The following PYGM variants were observed in gnomAD, a reference collection of about 807,000 sequenced individuals.
PYGM encodes glycogen phosphorylase, muscle associated.
Under a neutral mutation model 99.3 loss-of-function variants are expected in PYGM, and 81 were observed. The observed-to-expected ratio is 0.82, with a 90% CI of 0.68 to 0.98. The LOEUF is 0.98. Among genes scored for constraint, PYGM ranks in the 50% least tolerant of loss-of-function variants. The probability of loss-of-function intolerance (pLI) is 0.00; values close to 1 mark genes in which losing one functional copy is unlikely to be tolerated. For synonymous variants in PYGM, 436 were observed against 451.5 expected (o/e 0.97, Z 0.44); for missense variants, 1,030 against 1,158.1 (o/e 0.89, Z 1.61).
At position 64,754,487 on chromosome 11, in the gene PYGM, G is replaced by T. The variant is rs2058381103; in HGVS notation, c.1000-142C>A. On this transcript the variant is annotated intron_variant, in intron 8 of 19. Coordinates refer to ENST00000164139, the MANE Select transcript of PYGM (RefSeq NM_005609.4). The surrounding 1 kb of genome is among the most constrained non-coding windows in gnomAD (Gnocchi z 5.5). Reference sequence around the variant, plus strand: ...GGCAGAGGCAGGCCGGTGCTCATGGGGGTGGGAGGAATGGGGGGAGTGGGG... The same window carrying T: ...GGCAGAGGCAGGCCGGTGCTCATGGTGGTGGGAGGAATGGGGGGAGTGGGG... 4 of 972,586 alleles carry T rather than the reference G, an allele frequency of 4.1e-6. No individual in the cohort carries two copies. The highest frequency in any genetic ancestry group is 6.2e-6 in the Non-Finnish European group (4 of 644,686). The allele number at this position is 972,586 out of a possible 1,614,324, so 60.2% of individuals were successfully genotyped here.
At position 64,746,522 on chromosome 11, in the gene PYGM, T is replaced by C. The variant is rs773082760; in HGVS notation, c.*137A>G. ...TTAGTCACGCTGGACACTGGGACATTGAGAGTGGGGAAAATGAGGGTTCCA... is the reference window on the plus strand; with the variant it reads ...TTAGTCACGCTGGACACTGGGACATCGAGAGTGGGGAAAATGAGGGTTCCA... On this transcript the variant is annotated 3_prime_UTR_variant, in exon 20 of 20. Coordinates refer to ENST00000164139, the MANE Select transcript of PYGM (RefSeq NM_005609.4). The C allele has an allele frequency of 7.2e-6, 9 of 1,249,952 alleles. No individual in the cohort carries two copies. Among genetic ancestry groups the C allele is most frequent in the Non-Finnish European group, 9.1e-6 (8 of 876,584 alleles). The allele number at this position is 1,249,952 out of a possible 1,614,324, so 77.4% of individuals were successfully genotyped here. A position where few individuals can be genotyped will look rare whatever the true frequency, so the allele number is the denominator to read the frequency against.
intron 11 of PYGM, 148 bp downstream of exon 11, chr11:64,753,371 T>C: frequency 8.7e-6 from 11 of 1,268,662 alleles, no homozygotes; most frequent in Non-Finnish European, 1.2e-5. Context: ...TGGAAGGGGC[T>C]GCTGTGCTTG....
At chr11:64,758,029 A>G in intron 4 of PYGM, 119 bp from the exon 5 acceptor site, 2 of 1,489,298 alleles carry the variant, frequency 1.3e-6, no homozygotes, top group Non-Finnish European at 1.8e-6. Flanking sequence ...ATAAGTCAGG[A>G]GCTCTGAGGT....
At chr11:64,759,520 C>A (rs2058418830) in intron 1 of PYGM, 136 bp downstream of exon 1, 1 of 1,412,778 alleles carries the variant, frequency 7.1e-7, no homozygotes, top group South Asian at 1.3e-5. Flanking sequence ...TGTCCCAGCA[C>A]CCCTTGTGCC....
chr11:64,746,598 T>G lies in PYGM; in HGVS notation c.*61A>C. ...GTACCCCACCCTCTGCATGAGGTGCTGGGGCTGGCCCAAGAGAGTGTGACA... is the reference window on the plus strand; with the variant it reads ...GTACCCCACCCTCTGCATGAGGTGCGGGGGCTGGCCCAAGAGAGTGTGACA... On this transcript the variant is annotated 3_prime_UTR_variant, in exon 20 of 20. Transcript: ENST00000164139. 1 of 1,607,922 alleles carries G rather than the reference T, an allele frequency of 6.2e-7. No individual in the cohort carries two copies. Among genetic ancestry groups the G allele is most frequent in the Non-Finnish European group, 8.5e-7 (1 of 1,176,432 alleles).
Position 64,759,638 on chromosome 11 carries a change from C to T in PYGM, c.243+18G>A, listed in dbSNP as rs748753255. 1.2e-6 allele frequency: 2 copies of T among 1,612,776 alleles called. No homozygotes were observed. The highest frequency in any genetic ancestry group is 2.2e-5 in the South Asian group (2 of 91,064). ...GCGCCTTCAGCCCATACCCCCACCC[C>T]AGGCTCCCCAGCAGCACCTTGGGGT... On this transcript the variant is annotated intron_variant, in intron 1 of 19. Transcript: ENST00000164139.
chr11:64,748,695 A>G (rs1657333617), intron 17 of PYGM: 1 of 152,224 alleles, frequency 6.6e-6, no homozygotes, highest in Admixed American at 6.5e-5. Context: ...GGAATGTTAT[A>G]CAAACATTTA....
rs1177963512 is a variant in PYGM, at chr11:64,753,618, C to T, written c.1304G>A (p.Gly435Asp). The T allele has an allele frequency of 1.2e-6, 2 of 1,608,732 alleles. No homozygotes were observed. Among genetic ancestry groups the T allele is most frequent in the Admixed American group, 1.7e-5 (1 of 59,828 alleles). The change falls in exon 11 of 20, where the codon GGC becomes GAC. Residue 435 changes from glycine to aspartate, a missense_variant. Gly to Asp is a moderately conservative substitution (Grantham distance 94). Transcript: ENST00000164139. ...TGCCATGTTGATGCGCTTCACTGCGCCCTCCTCCACCAGCGACATGCGCCG... is the reference window on the plus strand; with the variant it reads ...TGCCATGTTGATGCGCTTCACTGCGTCCTCCTCCACCAGCGACATGCGCCG... Reference protein sequence around the residue: ...RLRRMSLVEEGAVKRINMAHL... With the variant: ...RLRRMSLVEEDAVKRINMAHL...
At chr11:64,758,102 G>C in intron 4 of PYGM, 144 bp downstream of exon 4, 1 of 1,346,448 alleles carries the variant, frequency 7.4e-7, no homozygotes, top group South Asian at 1.2e-5. Context: ...GGCACCAGCT[G>C]GCTTTGGGTC....
chr11:64,760,492 C>T (rs867282420), upstream of PYGM, among the ~76,000 whole-genome samples: 2 of 152,342 alleles, frequency 1.3e-5, no homozygotes, highest in Admixed American at 1.3e-4. Flanking sequence ...CCTCACTCCA[C>T]CCCCACCGAA....
At chr11:64,751,862 T>G in intron 14 of PYGM, 62 bp downstream of exon 14, 1 of 1,604,286 alleles carries the variant, frequency 6.2e-7, no homozygotes, top group South Asian at 1.1e-5. Flanking sequence ...TTGGGCAATA[T>G]GTACTATGCC....
rs604595 is a variant in PYGM, at chr11:64,757,875, G to A, written c.564C>T (p.Asn188=). ...EEADDWLRYG[N]PWEKARPEFT... ...ACTCGGGCCGGGCCTTCTCCCAGGG[G>A]TTGCCGTAGCGAAGCCAGTCATCGG... Residue 188 remains asparagine (N), a synonymous_variant, in exon 5 of 20, where the codon AAC becomes AAT. Transcript: ENST00000164139. 1.2e-6 allele frequency: 2 copies of A among 1,614,156 alleles called. No homozygotes were observed. Among genetic ancestry groups the A allele is most frequent in the South Asian group, 1.1e-5 (1 of 91,086 alleles).
rs371405608 is a variant in PYGM at position 64,758,534 on chromosome 11, C to T, written c.346-19G>A. 5.0e-6 allele frequency: 8 copies of T among 1,614,100 alleles called. No homozygotes were observed. Among genetic ancestry groups the T allele is most frequent in the Non-Finnish European group, 6.8e-6 (8 of 1,179,990 alleles). On this transcript the variant is annotated intron_variant, in intron 2 of 19. Coordinates refer to ENST00000164139, the MANE Select transcript of PYGM (RefSeq NM_005609.4). The stretch of plus-strand genomic sequence containing the variant: ...GGCCCAGCTGGAGGAGTGAGGGTGA[C>T]AGTGGTCAGGGTCAAGTGTCAGCAG...
chr11:64,759,206 G>A (rs1448139221), intron 1 of PYGM, among the ~76,000 whole-genome samples: 3 of 152,070 alleles, frequency 2.0e-5, no homozygotes, highest in African/African-American at 4.8e-5. Context: ...CTCCTGGGCC[G>A]TCTGCCCGCC....
intron 12 of PYGM, among the ~76,000 whole-genome samples, chr11:64,752,775 G>A (rs925491741): frequency 2.0e-5 from 3 of 152,198 alleles, no homozygotes; most frequent in Non-Finnish European, 4.4e-5. Flanking sequence ...GCATGACCTT[G>A]CGCCTTCCCT....
chr11:64,746,642 G>C lies in PYGM; in HGVS notation c.*17C>G. On this transcript the variant is annotated 3_prime_UTR_variant, in exon 20 of 20. Coordinates refer to ENST00000164139, the MANE Select transcript of PYGM (RefSeq NM_005609.4). ...TGTGACAGACTCAAGGGCTGGTTTGGGGTCTGGTCTGGAGGCTCAGATGGC... is the reference window on the plus strand; with the variant it reads ...TGTGACAGACTCAAGGGCTGGTTTGCGGTCTGGTCTGGAGGCTCAGATGGC... The C allele has an allele frequency of 6.2e-7, 1 of 1,614,048 alleles. No homozygotes were observed. Among genetic ancestry groups the C allele is most frequent in the Non-Finnish European group, 8.5e-7 (1 of 1,179,996 alleles).
intron 17 of PYGM, among the ~76,000 whole-genome samples, chr11:64,749,113 G>A (rs1036098734): frequency 5.9e-5 from 9 of 151,924 alleles, no homozygotes; most frequent in African/African-American, 7.2e-5. Flanking sequence ...TTGGGAGGCC[G>A]AGGAGGGTGG....
Position 64,755,798 on chromosome 11 carries a change from G to A in PYGM, c.661-240C>T, listed in dbSNP as rs1565536929. ...GCCCTGCCTGGGCAGACGGTGGTGA[G>A]GAAAATGGAAGGAGGCAGGTGATAA... On this transcript the variant is annotated intron_variant, in intron 5 of 19. Transcript: ENST00000164139. This position sits in a 1 kb window ranked among gnomAD's most constrained non-coding sequence, Gnocchi z 4.1. 6.6e-6 allele frequency among the ~76,000 whole-genome samples: 1 copy of A among 152,242 alleles called. No homozygotes were observed.
In PYGM at chr11:64,754,355, G is replaced by T. The variant is rs749114783; in HGVS notation, c.1000-10C>A. The T allele has an allele frequency of 6.3e-7, 1 of 1,596,650 alleles. No individual in the cohort carries two copies. Among genetic ancestry groups the T allele is most frequent in the Non-Finnish European group, 8.6e-7 (1 of 1,164,670 alleles). On this transcript the variant is annotated splice_polypyrimidine_tract_variant and intron_variant, in intron 8 of 19. Coordinates refer to ENST00000164139, the MANE Select transcript of PYGM (RefSeq NM_005609.4). This position sits in a 1 kb window ranked among gnomAD's most constrained non-coding sequence, Gnocchi z 5.5. ...TGAGCTGGATGGCCACCTGGGGTAG[G>T]GGGAGGGGTCAGTCTGGGCTCCAAA... is the stretch of plus-strand genomic sequence containing the variant.
Sources: allele counts gnomAD v4.1 joint callset (sites outside exome capture counted in the v4.1 genomes callset), GRCh38; gene constraint gnomAD v4.1.1; non-coding constraint Gnocchi (gnomAD v3.1); transcripts MANE v1.5; gene names NCBI Gene and HGNC (gene_info 2026-07-23, HGNC 2026-07-21).